Variants in PGBD5 observed in about 807,000 individuals in gnomAD.
PGBD5 encodes piggyBac transposable element-derived protein 5.
Under a neutral mutation model 47.9 loss-of-function variants are expected in PGBD5, and 14 were observed. The observed-to-expected ratio is 0.29, with a 90% confidence interval of 0.19 to 0.46. PGBD5 has a LOEUF of 0.46. PGBD5 is among the 20% of genes least tolerant of loss of function. PGBD5 has a pLI of 1.00. For synonymous variants in PGBD5, 316 were observed against 306.3 expected (o/e 1.03, Z -0.33); for missense variants, 635 against 716.0 (o/e 0.89, Z 1.29).
rs371590929 is a variant in PGBD5, at chr1:230,337,122, T to C, written c.1061A>G (p.Glu354Gly). The change falls in exon 4 of 7, where the codon GAG becomes GGG. Residue 354 changes from glutamate to glycine, a missense_variant. Transcript: ENST00000391860. ...ACTTGACTAACCTTGCTTCTCAAAC[T>C]CTTCAAACAGCGTCAGGCTGGTGAT... ...PSITSLTLFE[E>G]FEKQGIYCCG... 6.2e-7 allele frequency: 1 copy of C among 1,613,828 alleles called. No individual in the cohort carries two copies. The highest frequency in any genetic ancestry group is 8.5e-7 in the Non-Finnish European group (1 of 1,179,944).
chr1:230,394,483 A>AGT (rs35768939), intron 1 of PGBD5, among the ~76,000 whole-genome samples: 62,266 of 133,138 alleles, frequency 0.47, 14,410 homozygotes, highest in South Asian at 0.53. Flanking sequence ...GGGTCCTCCA[A>AGT]TCCTCCCGCT....
At chr1:230,407,086 T>C (rs1226225708) in intron 1 of PGBD5, among the ~76,000 whole-genome samples, 2 of 152,202 alleles carry the variant, frequency 1.3e-5, no homozygotes, top group Non-Finnish European at 2.9e-5. Flanking sequence ...CCGCCTGCCT[T>C]GGCCTCCCAA....
At chr1:230,387,451 G>C (rs917575667) in intron 1 of PGBD5, among the ~76,000 whole-genome samples, 2 of 152,168 alleles carry the variant, frequency 1.3e-5, no homozygotes, top group Non-Finnish European at 2.9e-5. Flanking sequence ...TTGGGGAAGC[G>C]CCTGTGGCCT....
chr1:230,413,336 C>T (rs1657451427), intron 1 of PGBD5, among the ~76,000 whole-genome samples: 1 of 152,084 alleles, frequency 6.6e-6, no homozygotes, highest in Admixed American at 6.6e-5. Context: ...TGTTAGGGAG[C>T]AGAATTTCGA....
intron 5 of PGBD5, among the ~76,000 whole-genome samples, chr1:230,332,394 T>G (rs891581554): frequency 6.6e-6 from 1 of 152,160 alleles, no homozygotes; most frequent in African/African-American, 2.4e-5. Flanking sequence ...AAATCCTGAG[T>G]AAAATCAATG....
chr1:230,422,383 A>C (rs1469070582), intron 1 of PGBD5, among the ~76,000 whole-genome samples: 1 of 151,856 alleles, frequency 6.6e-6, no homozygotes, highest in African/African-American at 2.4e-5. Context: ...GTGAGCTCAC[A>C]TGCTGTGTTG....
At chr1:230,417,377 G>T (rs1488827940) in intron 1 of PGBD5, among the ~76,000 whole-genome samples, 1 of 152,106 alleles carries the variant, frequency 6.6e-6, no homozygotes, top group Non-Finnish European at 1.5e-5. Flanking sequence ...TGGGATCCAG[G>T]GTTTGCTACG....
intron 1 of PGBD5, among the ~76,000 whole-genome samples, chr1:230,421,812 G>A (rs1657654354): frequency 6.6e-6 from 1 of 152,180 alleles, no homozygotes; most frequent in Non-Finnish European, 1.5e-5. Context: ...ATCCTGTACA[G>A]AGCTAAAGGT....
chr1:230,393,633 C>A (rs543960575), intron 1 of PGBD5, among the ~76,000 whole-genome samples: 2 of 151,834 alleles, frequency 1.3e-5, no homozygotes, highest in South Asian at 4.2e-4. Context: ...GTCAGGAGAT[C>A]GAGACCACGG....
intron 1 of PGBD5, chr1:230,377,460 T>A: frequency 3.1e-6 from 5 of 1,603,294 alleles, no homozygotes; most frequent in Non-Finnish European, 4.3e-6. Context: ...AAAGATCTCT[T>A]GCCCAGAGCT....
chr1:230,323,355 G>A lies in PGBD5; in HGVS notation c.*70C>T. On this transcript the variant is annotated 3_prime_UTR_variant, in exon 7 of 7. Coordinates refer to ENST00000391860, the MANE Select transcript of PGBD5 (RefSeq NM_001258311.2). This position sits in a 1 kb window ranked among gnomAD's most constrained non-coding sequence, Gnocchi z 4.1. ...ACCAGGCCGTGTCCGGGTCTCTGAT[G>A]GGCAAGTTGGAACGGCAGGCTCTCC... 1 of 1,541,470 alleles carries A rather than the reference G, an allele frequency of 6.5e-7. No individual in the cohort carries two copies. The highest frequency in any genetic ancestry group is 8.8e-7 in the Non-Finnish European group (1 of 1,142,800).
chr1:230,333,599 G>C (rs1667257602), intron 4 of PGBD5, among the ~76,000 whole-genome samples: 1 of 152,210 alleles, frequency 6.6e-6, no homozygotes, highest in South Asian at 2.1e-4. Context: ...CTGAACGCGA[G>C]CCCAGTGCTG....
At chr1:230,333,253 A>T (rs1420614290) in intron 4 of PGBD5, among the ~76,000 whole-genome samples, 3 of 152,080 alleles carry the variant, frequency 2.0e-5, no homozygotes, top group Non-Finnish European at 4.4e-5. Context: ...CAATCTCCCC[A>T]GGTCCCTCCC....
In PGBD5 at chr1:230,357,008, G is replaced by T; in HGVS notation, c.645C>A (p.Phe215Leu). ...GGCTGGAGCGGAAGGCCACGACGTG[G>T]AAGTACTTGAGGATCTTCTCGAAGC... ...QARFEKILKYFHVVAFRSSQT... is the reference protein window; with the variant it reads ...QARFEKILKYLHVVAFRSSQT... The change falls in exon 2 of 7, where the codon TTC (phenylalanine) becomes TTA (leucine). Residue 215 changes from phenylalanine (F) to leucine (L), a missense_variant. Coordinates refer to ENST00000391860, the MANE Select transcript of PGBD5 (RefSeq NM_001258311.2). This position sits in a 1 kb window ranked among gnomAD's most constrained non-coding sequence, Gnocchi z 5.7. 6.2e-7 allele frequency: 1 copy of T among 1,614,222 alleles called. No homozygotes were observed. The highest frequency in any genetic ancestry group is 8.5e-7 in the Non-Finnish European group (1 of 1,180,048).
At chr1:230,394,119 A>G (rs1430468121) in intron 1 of PGBD5, among the ~76,000 whole-genome samples, 1 of 151,854 alleles carries the variant, frequency 6.6e-6, no homozygotes, top group Admixed American at 6.5e-5. Flanking sequence ...AACCATGCCT[A>G]TTTTATCTCC....
In PGBD5 at chr1:230,357,163, G is replaced by C. The variant is rs895242081; in HGVS notation, c.490C>G (p.Leu164Val). 6.2e-7 allele frequency: 1 copy of C among 1,614,162 alleles called. No individual in the cohort carries two copies. Among genetic ancestry groups the C allele is most frequent in the Middle Eastern group, 1.6e-4 (1 of 6,062 alleles). Residue 164 changes from leucine (L) to valine (V), a missense_variant, in exon 2 of 7, where the codon CTG becomes GTG. By Grantham distance (32) the Leu-to-Val change is conservative (BLOSUM62 1). Coordinates refer to ENST00000391860, the MANE Select transcript of PGBD5 (RefSeq NM_001258311.2). This position sits in a 1 kb window ranked among gnomAD's most constrained non-coding sequence, Gnocchi z 5.7. ...GSDGAWVEVT[L>V]TEMKAFLGYM... ...CCCAGGAACGCCTTCATCTCCGTCA[G>C]CGTCACCTCCACCCAGGCTCCGTCG...
Position 230,322,674 on chromosome 1 carries a change from G to C in PGBD5, c.*751C>G, listed in dbSNP as rs1667053899. ...GGGTCAGCGTCGGGGGTGGAGAGGA[G>C]GGGACATCTGCCTTTTACATTAGAT... On this transcript the variant is annotated 3_prime_UTR_variant, in exon 7 of 7. Coordinates refer to ENST00000391860, the MANE Select transcript of PGBD5 (RefSeq NM_001258311.2). The surrounding 1 kb of genome is among the most constrained non-coding windows in gnomAD (Gnocchi z 5.9). 3 of 153,080 alleles carry C rather than the reference G, an allele frequency of 2.0e-5. No individual in the cohort carries two copies. 9.5% of individuals were successfully genotyped at this position (153,080 alleles called of 1,614,324 possible).
chr1:230,325,319 T>C lies in PGBD5; in HGVS notation c.1370A>G (p.Lys457Arg). 1 of 1,612,636 alleles carries C rather than the reference T, an allele frequency of 6.2e-7. No individual in the cohort carries two copies. The highest frequency in any genetic ancestry group is 1.7e-4 in the Middle Eastern group (1 of 6,050). ...HLSYICRYDD[K>R]YSKYFISHKP... ...GTGCCCAGCCACTTACTTGCTGTAT[T>C]TGTCATCGTATCTGCAGATGTAGCT... The change falls in exon 6 of 7, where the codon AAA becomes AGA. Residue 457 changes from lysine to arginine, a missense_variant. By Grantham distance (26) the Lys-to-Arg change is conservative. Coordinates refer to ENST00000391860, the MANE Select transcript of PGBD5 (RefSeq NM_001258311.2).
intron 4 of PGBD5, chr1:230,336,144 G>A (rs956536842): frequency 4.6e-5 from 7 of 152,172 alleles, no homozygotes; most frequent in African/African-American, 1.7e-4. Context: ...AAAGCAGCTG[G>A]GTACTGTGCT....
Sources: allele counts gnomAD v4.1 joint callset (sites outside exome capture counted in the v4.1 genomes callset), GRCh38; gene constraint gnomAD v4.1.1; non-coding constraint Gnocchi (gnomAD v3.1); transcripts MANE v1.5; gene names NCBI Gene and HGNC (gene_info 2026-07-23, HGNC 2026-07-21).